The following PDE1C variants were observed in gnomAD, a reference collection of about 807,000 sequenced individuals.
PDE1C encodes phosphodiesterase 1C, also known as dual specificity calcium/calmodulin-dependent 3',5'-cyclic nucleotide phosphodiesterase 1C.
Under a neutral mutation model 93.1 loss-of-function variants are expected in PDE1C, and 62 were observed. The ratio of observed to expected loss-of-function variants is 0.67; its 90% confidence interval spans 0.54 to 0.82. The LOEUF is 0.82. Ranked by LOEUF, PDE1C falls within the 40% of genes least tolerant of loss-of-function variation. The pLI, the probability that PDE1C is intolerant of heterozygous loss-of-function variation, is 0.00. For missense variants in PDE1C, 742 were observed against 884.6 expected, an observed-to-expected ratio of 0.84 and a Z score of 2.04; for synonymous variants, 325 against 310.1, an observed-to-expected ratio of 1.05 and a Z score of -0.50.
intron 3 of PDE1C, among the ~76,000 whole-genome samples, chr7:32,088,476 C>T (rs11980258): frequency 0.63 from 95,166 of 152,148 alleles, 30,138 homozygotes; most frequent in African/African-American, 0.71. Context: ...GGGGCCGGGC[C>T]TTTCTAATCT....
intron 2 of PDE1C, among the ~76,000 whole-genome samples, chr7:31,984,364 T>TC (rs542208517): frequency 9.9e-5 from 15 of 152,154 alleles, no homozygotes; most frequent in Non-Finnish European, 1.3e-4. Flanking sequence ...CCTAAAACCA[T>TC]CCCCCTGCCA....
chr7:31,956,814 A>G (rs1377967721), intron 2 of PDE1C, among the ~76,000 whole-genome samples: 1 of 152,328 alleles, frequency 6.6e-6, no homozygotes, highest in South Asian at 2.1e-4. Context: ...TAGACATAGA[A>G]TTGAACACAA....
chr7:32,012,657 G>C (rs1200032610), intron 2 of PDE1C, among the ~76,000 whole-genome samples: 2 of 152,170 alleles, frequency 1.3e-5, no homozygotes, highest in African/African-American at 4.8e-5. Flanking sequence ...GAAAATTTTG[G>C]AAGTGATGGA....
intron 2 of PDE1C, among the ~76,000 whole-genome samples, chr7:31,945,820 G>C (rs1806530464): frequency 1.3e-5 from 2 of 151,994 alleles, no homozygotes; most frequent in African/African-American, 4.8e-5. Flanking sequence ...TACATCTTTT[G>C]AAATAGTCTC....
the PDE1C span, among the ~76,000 whole-genome samples, chr7:31,681,559 A>G: frequency 6.6e-6 from 1 of 152,138 alleles, no homozygotes; most frequent in African/African-American, 2.4e-5. Context: ...CTTGGCTCAT[A>G]TCTCTGGTAG....
intron 1 of PDE1C, among the ~76,000 whole-genome samples, chr7:32,411,446 T>C (rs1350284611): frequency 6.6e-6 from 1 of 152,216 alleles, no homozygotes; most frequent in Admixed American, 6.5e-5. Context: ...GGCAACATAA[T>C]GGTATTTGTG....
At chr7:31,621,125 G>A in the PDE1C span, among the ~76,000 whole-genome samples, 45 of 152,122 alleles carry the variant, frequency 3.0e-4, 1 homozygote, top group South Asian at 6.2e-4. Context: ...CCAAATCTAC[G>A]TCTGATTGGT....
At chr7:32,140,615 C>A (rs1041939733) in intron 3 of PDE1C, among the ~76,000 whole-genome samples, 11 of 152,222 alleles carry the variant, frequency 7.2e-5, no homozygotes, top group African/African-American at 2.7e-4. Context: ...ACTCTACCTC[C>A]CATCAGACAT....
chr7:31,715,708 G>C, the PDE1C span, among the ~76,000 whole-genome samples: 1 of 152,188 alleles, frequency 6.6e-6, no homozygotes, highest in Admixed American at 6.5e-5. Flanking sequence ...TGGGCCTACA[G>C]AGTTTTGTTC....
At chr7:31,718,599 A>T in the PDE1C span, among the ~76,000 whole-genome samples, 773 of 152,298 alleles carry the variant, frequency 5.1e-3, 7 homozygotes, top group African/African-American at 0.017. Context: ...GGATATGAGG[A>T]TCAGCACCAG....
At chr7:32,273,624 G>A (rs1362036991) in intron 1 of PDE1C, among the ~76,000 whole-genome samples, 2 of 152,144 alleles carry the variant, frequency 1.3e-5, no homozygotes, top group African/African-American at 4.8e-5. Context: ...GAGCATGGGG[G>A]TTTTCAGAAG....
rs1235546813 is a variant in PDE1C, at chr7:32,065,719, AG to A, written c.101+4573del. ...GGTTATATAGAAAGAAAACACAGAG[AG>A]GGCTTAAATAAGAAATTTAAAACCA... On this transcript the variant is annotated intron_variant, in intron 1 of 17. Transcript: ENST00000396191. Among the ~76,000 whole-genome samples the A allele has an allele frequency of 1.9e-4, 29 of 152,248 alleles. 1 individual carries two copies. Among genetic ancestry groups the A allele is most frequent in the Admixed American group, 1.7e-3 (26 of 15,290 alleles).
intron 1 of PDE1C, among the ~76,000 whole-genome samples, chr7:32,068,712 C>T (rs1467326814): frequency 6.6e-6 from 1 of 152,214 alleles, no homozygotes; most frequent in Non-Finnish European, 1.5e-5. Flanking sequence ...TGACCAAACA[C>T]TTGTCTCTAG....
the PDE1C span, among the ~76,000 whole-genome samples, chr7:31,671,099 G>A: frequency 3.3e-5 from 5 of 152,056 alleles, no homozygotes; most frequent in South Asian, 2.1e-4. Context: ...TTGTTCATGC[G>A]ACCTAATTCC....
At chr7:32,039,277 C>T (rs1791514121) in intron 2 of PDE1C, among the ~76,000 whole-genome samples, 1 of 151,948 alleles carries the variant, frequency 6.6e-6, no homozygotes, top group Non-Finnish European at 1.5e-5. Context: ...CTTGTAGTTA[C>T]TAAAATTATC....
At chr7:31,707,100 G>T in the PDE1C span, 1 of 990,166 alleles carries the variant, frequency 1.0e-6, no homozygotes, top group Non-Finnish European at 1.5e-6. Context: ...TAGACACTAA[G>T]AGGTTTCTGG....
chr7:31,948,738 C>T (rs1006357388), intron 2 of PDE1C, among the ~76,000 whole-genome samples: 1 of 151,986 alleles, frequency 6.6e-6, no homozygotes, highest in Non-Finnish European at 1.5e-5. Context: ...ATCCTAATAC[C>T]TAGTACTCTT....
chr7:32,013,888 T>C (rs1350501360), intron 2 of PDE1C, among the ~76,000 whole-genome samples: 1 of 152,244 alleles, frequency 6.6e-6, no homozygotes, highest in African/African-American at 2.4e-5. Context: ...ACTTTTTACA[T>C]GTGGGCCTTC....
At chr7:31,677,180 A>G in the PDE1C span, among the ~76,000 whole-genome samples, 1 of 152,228 alleles carries the variant, frequency 6.6e-6, no homozygotes, top group Non-Finnish European at 1.5e-5. Context: ...TCCCCACAAA[A>G]TAAGTGCTGG....
Sources: gnomAD v4.1 joint callset for allele counts (sites outside exome capture counted in the v4.1 genomes callset) on GRCh38, gnomAD v4.1.1 for gene constraint, MANE v1.5 for transcripts, NCBI Gene and HGNC (gene_info 2026-07-23, HGNC 2026-07-21) for gene names.